SGCE: variants seen among roughly 807,000 people sequenced by gnomAD.
SGCE encodes the protein sarcoglycan epsilon.
Under a neutral mutation model 57.8 loss-of-function variants are expected in SGCE, and 26 were observed. The ratio of observed to expected loss-of-function variants is 0.45; its 90% CI spans 0.33 to 0.62. The LOEUF (loss-of-function observed/expected upper bound fraction) is 0.62, where lower values mean the gene tolerates loss of function less well. Ranked by LOEUF, SGCE falls within the 20% of genes least tolerant of loss-of-function variation. The pLI, the probability that SGCE is intolerant of heterozygous loss-of-function variation, is 0.02. For synonymous variants in SGCE, 183 were observed against 189.5 expected, an observed-to-expected ratio of 0.97 and a Z score of 0.28; for missense variants, 468 against 548.6, an observed-to-expected ratio of 0.85 and a Z score of 1.47.
chr7:94,606,882 T>C (rs1269290951), intron 5 of SGCE, among the ~76,000 whole-genome samples: 2 of 152,060 alleles, frequency 1.3e-5, no homozygotes, highest in South Asian at 2.1e-4. Flanking sequence ...AAAGGAGAAA[T>C]CTTGGATGAA....
intron 3 of SGCE, chr7:94,626,579 C>G (rs1190219698): frequency 1.3e-5 from 2 of 151,948 alleles, no homozygotes; most frequent in Admixed American, 1.3e-4. Context: ...AATGATCTCA[C>G]AGTTCACTGC....
intron 1 of SGCE, among the ~76,000 whole-genome samples, chr7:94,653,150 A>C (rs972510584): frequency 1.3e-5 from 2 of 152,204 alleles, no homozygotes; most frequent in African/African-American, 4.8e-5. Context: ...TAAATACATA[A>C]GGTAAATTCA....
At chr7:94,628,571 A>G in intron 2 of SGCE, 5 of 543,988 alleles carry the variant, frequency 9.2e-6, no homozygotes, top group Non-Finnish European at 9.9e-6. Context: ...ATCTGATGCA[A>G]CAAAGAAAGC....
intron 3 of SGCE, chr7:94,623,653 A>G (rs1803201238): frequency 4.1e-6 from 2 of 485,352 alleles, no homozygotes. Flanking sequence ...ATAGAAGGCC[A>G]TTAAGCACTG....
chr7:94,588,339 C>T, intron 10 of SGCE: 4 of 1,095,780 alleles, frequency 3.7e-6, no homozygotes, highest in Non-Finnish European at 4.5e-6. Flanking sequence ...TCAAGCTGCT[C>T]ACTTACTGAG....
intron 1 of SGCE, among the ~76,000 whole-genome samples, chr7:94,647,341 C>T (rs913426809): frequency 6.6e-6 from 1 of 152,156 alleles, no homozygotes; most frequent in African/African-American, 2.4e-5. Flanking sequence ...ATGCAACACT[C>T]ACTTCTGTTG....
At chr7:94,646,875 A>G (rs1445012291) in intron 1 of SGCE, among the ~76,000 whole-genome samples, 2 of 152,192 alleles carry the variant, frequency 1.3e-5, no homozygotes. Context: ...TCATTGTACT[A>G]TACTTTCCAA....
rs542790318 is a variant in SGCE at position 94,604,900 on chromosome 7, C to A, written c.663-1448G>T. Reference sequence around the variant, plus strand: ...AATGGTGCTGGAAAAACTGGATATCCACATATCCCGTCCTACCTAAGAAGG... The same window carrying A: ...AATGGTGCTGGAAAAACTGGATATCAACATATCCCGTCCTACCTAAGAAGG... On this transcript the variant is annotated intron_variant, in intron 5 of 10. Transcript: ENST00000648936. Among the ~76,000 whole-genome samples, 23 of 127,914 alleles carry A rather than the reference C, an allele frequency of 1.8e-4. 1 individual carries two copies. Among genetic ancestry groups the A allele is most frequent in the African/African-American group, 6.7e-4 (23 of 34,448 alleles). 83.9% of individuals were successfully genotyped at this position (127,914 alleles called of 152,430 possible). A position where few individuals can be genotyped will look rare whatever the true frequency, so the allele number is the denominator to read the frequency against.
chr7:94,585,388 A>C lies in SGCE; in HGVS notation c.*111T>G. 1 of 930,926 alleles carries C rather than the reference A, an allele frequency of 1.1e-6. No individual in the cohort carries two copies. The highest frequency in any genetic ancestry group is 1.8e-6 in the Non-Finnish European group (1 of 560,692). The allele number at this position is 930,926 out of a possible 1,614,324, so 57.7% of individuals were successfully genotyped here. A position where few individuals can be genotyped will look rare whatever the true frequency, so the allele number is the denominator to read the frequency against. On this transcript the variant is annotated 3_prime_UTR_variant, in exon 11 of 11. Transcript: ENST00000648936. ...TTGGTATACACTTAATACTGCCAAC[A>C]TGCATAACATATGCCAGAAAAGCTC...
chr7:94,600,747 G>A lies in SGCE; in HGVS notation c.936C>T (p.Asp312=). The part of the protein sequence containing the change: ...KPPSDSLKSR[D]YYTDFLITLA... ...GTGTAATTAGGAAATCCGTGTAATA[G>A]TCTCTGCTTTTCAAAGAATCAGAAG... The change falls in exon 7 of 11, where the codon GAC becomes GAT. Residue 312 remains aspartate, a synonymous_variant. Transcript: ENST00000648936. 6.2e-7 allele frequency: 1 copy of A among 1,613,730 alleles called. No homozygotes were observed. The highest frequency in any genetic ancestry group is 8.5e-7 in the Non-Finnish European group (1 of 1,179,798).
rs759435338 is a variant in SGCE, at chr7:94,598,780, C to G, written c.1248G>C (p.Thr416=). 1 of 1,605,422 alleles carries G rather than the reference C, an allele frequency of 6.2e-7. No individual in the cohort carries two copies. The highest frequency in any genetic ancestry group is 1.7e-5 in the Admixed American group (1 of 60,004). ...GGCTCTAAGTGGACACTTACTGCTG[C>G]GTTTGCATCAATGGCATGTTTGTGC... ...YDSTNMPLMQ[T]QQNLPHQTQI... Residue 416 remains threonine (T), a synonymous_variant, in exon 9 of 11, where the codon ACG becomes ACC. Transcript: ENST00000648936.
intron 10 of SGCE, chr7:94,587,294 G>C: frequency 1.0e-6 from 1 of 990,632 alleles, no homozygotes; most frequent in Non-Finnish European, 1.2e-6. Flanking sequence ...ATCTACTCAA[G>C]TTTCCTAATT....
At chr7:94,624,000 A>G (rs1403937752) in intron 3 of SGCE, 1 of 390,400 alleles carries the variant, frequency 2.6e-6, no homozygotes, top group Non-Finnish European at 4.5e-6. Context: ...AAATATTAGT[A>G]AACATTTGCA....
chr7:94,590,539 A>T (rs1228687545), intron 9 of SGCE: 1 of 152,216 alleles, frequency 6.6e-6, no homozygotes, highest in Non-Finnish European at 1.5e-5. Flanking sequence ...TTAGTTTATG[A>T]AAATGTACAA....
chr7:94,587,731 T>C (rs1007650814), intron 10 of SGCE: 14 of 1,536,374 alleles, frequency 9.1e-6, no homozygotes, highest in Non-Finnish European at 1.2e-5. Flanking sequence ...AAAATTCTGA[T>C]AAACATCTTG....
chr7:94,601,836 T>G lies in SGCE; in HGVS notation c.826-979A>C, dbSNP rs138902137. ...GTTGTCCAACACAGCCTTGTGCTTA[T>G]TTTTGGGGGGTGAAATTTAGGTCCT... On this transcript the variant is annotated intron_variant, in intron 6 of 10. Coordinates refer to ENST00000648936, the MANE Select transcript of SGCE (RefSeq NM_003919.3). Among the ~76,000 whole-genome samples the G allele has an allele frequency of 3.9e-3, 596 of 152,246 alleles. 5 individuals are homozygous for G. The highest frequency in any genetic ancestry group is 0.014 in the African/African-American group (573 of 41,558).
At chr7:94,602,273 T>G (rs1007721375) in intron 6 of SGCE, among the ~76,000 whole-genome samples, 1 of 152,076 alleles carries the variant, frequency 6.6e-6, no homozygotes, top group Non-Finnish European at 1.5e-5. Context: ...AATAATAATT[T>G]TACTTGATTT....
In SGCE at chr7:94,600,815, G is replaced by T. The variant is rs576417569; in HGVS notation, c.868C>A (p.Arg290Ser). The T allele has an allele frequency of 6.2e-7, 1 of 1,612,734 alleles. No individual in the cohort carries two copies. Among genetic ancestry groups the T allele is most frequent in the Non-Finnish European group, 8.5e-7 (1 of 1,179,536 alleles). Reference protein sequence around the residue: ...KQVSTYQEVIRGEGILPDGGE... With the variant: ...KQVSTYQEVISGEGILPDGGE... ...CCATCAGGTAAAATCCCCTCTCCAC[G>T]AATCACTTCCTGATAGGTGGACACT... The change falls in exon 7 of 11, where the codon CGT becomes AGT. Residue 290 changes from arginine to serine, a missense_variant. By Grantham distance (110) the Arg-to-Ser change is moderately radical. Coordinates refer to ENST00000648936, the MANE Select transcript of SGCE (RefSeq NM_003919.3).
In SGCE at chr7:94,585,303, G is replaced by A. The variant is rs558194543; in HGVS notation, c.*196C>T. ...TAAAGTCATCAATGTTTTACAAATT[G>A]TCAAAAATGCTTTAAGTACAAAAAA... On this transcript the variant is annotated 3_prime_UTR_variant, in exon 11 of 11. Coordinates refer to ENST00000648936, the MANE Select transcript of SGCE (RefSeq NM_003919.3). 6 of 497,430 alleles carry A rather than the reference G, an allele frequency of 1.2e-5. No individual in the cohort carries two copies. The highest frequency in any genetic ancestry group is 8.6e-5 in the East Asian group (3 of 34,728). The allele number at this position is 497,430 out of a possible 1,614,324, so 30.8% of individuals were successfully genotyped here.
Sources: gnomAD v4.1 joint callset for allele counts (sites outside exome capture counted in the v4.1 genomes callset) on GRCh38, gnomAD v4.1.1 for gene constraint, MANE v1.5 for transcripts, NCBI Gene and HGNC (gene_info 2026-07-23, HGNC 2026-07-21) for gene names.